Variants in ANKRD30B observed in about 807,000 individuals in gnomAD.
ANKRD30B encodes the protein ankyrin repeat domain-containing protein 30B.
In ANKRD30B, 144 loss-of-function variants were observed where a neutral mutation model predicts 202.2. That is an observed-to-expected ratio of 0.71 (90% CI 0.62 to 0.82). The LOEUF is 0.82. Ranked by LOEUF, ANKRD30B falls within the 40% of genes least tolerant of loss-of-function variation. The probability of loss-of-function intolerance (pLI) is 0.00; values close to 1 mark genes in which losing one functional copy is unlikely to be tolerated. For synonymous variants in ANKRD30B, 508 were observed against 561.3 expected (o/e 0.91, Z 1.34); for missense variants, 1,487 against 1,669.1 (o/e 0.89, Z 1.90).
the ANKRD30B span, among the ~76,000 whole-genome samples, chr18:14,939,241 A>G: frequency 1.3e-5 from 2 of 152,148 alleles, no homozygotes; most frequent in South Asian, 2.1e-4. Flanking sequence ...CAGTAAGGTC[A>G]TCATCCCCAC....
chr18:14,786,148 A>G (rs570839196), intron 14 of ANKRD30B, among the ~76,000 whole-genome samples: 1 of 151,484 alleles, frequency 6.6e-6, no homozygotes, highest in East Asian at 1.9e-4. Context: ...TTAGTTGTGC[A>G]CGTTTGCTTT....
chr18:14,772,428 T>G (rs2143803583), intron 9 of ANKRD30B, among the ~76,000 whole-genome samples, 200 bp downstream of exon 9: 1 of 151,854 alleles, frequency 6.6e-6, no homozygotes, highest in African/African-American at 2.4e-5. Flanking sequence ...GATTGGTAAA[T>G]ACTTTGAGGG....
chr18:14,921,601 C>G, the ANKRD30B span, among the ~76,000 whole-genome samples: 1 of 152,052 alleles, frequency 6.6e-6, no homozygotes, highest in South Asian at 2.1e-4. Flanking sequence ...AAACCAAGCA[C>G]TATGAAAAAA....
chr18:14,868,415 T>C, the ANKRD30B span, among the ~76,000 whole-genome samples: 1 of 152,298 alleles, frequency 6.6e-6, no homozygotes, highest in Non-Finnish European at 1.5e-5. Flanking sequence ...TTTAGGGGCT[T>C]ACGATTTGTG....
At chr18:14,822,817 A>G (rs1362069219) in intron 32 of ANKRD30B, 140 bp downstream of exon 32, 7 of 1,176,878 alleles carry the variant, frequency 5.9e-6, no homozygotes, top group Admixed American at 6.3e-5. Flanking sequence ...CAATGTTAGT[A>G]TTCATGTTTG....
At chr18:14,794,300 G>A (rs1363926130) in intron 16 of ANKRD30B, among the ~76,000 whole-genome samples, 2 of 151,480 alleles carry the variant, frequency 1.3e-5, no homozygotes, top group Admixed American at 1.3e-4. Flanking sequence ...ACCATAAATA[G>A]GATTCCTAAA....
chr18:14,791,451 A>T lies in ANKRD30B; in HGVS notation c.1785A>T (p.Thr595=). The T allele has an allele frequency of 6.2e-7, 1 of 1,611,584 alleles. No individual in the cohort carries two copies. The highest frequency in any genetic ancestry group is 8.5e-7 in the Non-Finnish European group (1 of 1,179,068). Residue 595 remains threonine (T), a synonymous_variant, in exon 16 of 44, where the codon ACA becomes ACT. Coordinates refer to ENST00000690538, the MANE Select transcript of ANKRD30B (RefSeq NM_001367607.2). The part of the protein sequence containing the change: ...SQKDVYLPKA[T]HQKEFDTLSG... ...AGGATGTGTATTTACCCAAAGCTACACATCAAAAAGAATTCGATACCTTAA... is the reference window on the plus strand; with the variant it reads ...AGGATGTGTATTTACCCAAAGCTACTCATCAAAAAGAATTCGATACCTTAA...
chr18:14,810,169 C>T lies in ANKRD30B; in HGVS notation c.2477C>T (p.Thr826Ile), dbSNP rs775765024. ...GCCTTAGAATTAAAGGACAGAGAAA[C>T]ATTAAAAGCAGGTAAACTTTGTAAT... ...NKALELKDRE[T>I]LKAAQMFPSE... The change falls in exon 28 of 44, where the codon ACA (threonine) becomes ATA (isoleucine). Residue 826 changes from threonine to isoleucine, a missense_variant. Thr to Ile is a moderately conservative substitution (Grantham distance 89). Coordinates refer to ENST00000690538, the MANE Select transcript of ANKRD30B (RefSeq NM_001367607.2). 1.5e-5 allele frequency: 21 copies of T among 1,410,784 alleles called. No individual in the cohort carries two copies. Among genetic ancestry groups the T allele is most frequent in the African/African-American group, 2.9e-5 (2 of 69,128 alleles). 87.4% of individuals were successfully genotyped at this position (1,410,784 alleles called of 1,614,324 possible). A position where few individuals can be genotyped will look rare whatever the true frequency, so the allele number is the denominator to read the frequency against.
At chr18:14,798,382 A>T (rs1050641468) in intron 20 of ANKRD30B, among the ~76,000 whole-genome samples, 14 of 152,126 alleles carry the variant, frequency 9.2e-5, no homozygotes, top group African/African-American at 7.2e-5. Context: ...TTTACAATAT[A>T]GTGTGTGCAT....
intron 7 of ANKRD30B, among the ~76,000 whole-genome samples, chr18:14,768,402 A>T (rs1916588825): frequency 1.3e-5 from 2 of 152,138 alleles, no homozygotes; most frequent in South Asian, 4.1e-4. Context: ...CTAGTACGTT[A>T]ATCAAACCCA....
intron 36 of ANKRD30B, among the ~76,000 whole-genome samples, chr18:14,839,212 TAACTTTTTCTTTAA>T (rs1229024329): frequency 1.3e-5 from 2 of 152,208 alleles, no homozygotes; most frequent in East Asian, 3.8e-4. Context: ...TAAATTACTG[TAACTTTTTCTTTAA>T]AACAAAACAG....
intron 39 of ANKRD30B, among the ~76,000 whole-genome samples, chr18:14,845,797 G>A (rs1971613864): frequency 6.6e-6 from 1 of 152,114 alleles, no homozygotes; most frequent in Non-Finnish European, 1.5e-5. Flanking sequence ...GTCTGAAGAG[G>A]TACCACTTCA....
At chr18:14,900,153 A>G in the ANKRD30B span, among the ~76,000 whole-genome samples, 1 of 152,192 alleles carries the variant, frequency 6.6e-6, no homozygotes, top group Non-Finnish European at 1.5e-5. Context: ...TGGTCCACAT[A>G]CAATTGCTTA....
At chr18:14,896,557 T>G in the ANKRD30B span, among the ~76,000 whole-genome samples, 2 of 149,580 alleles carry the variant, frequency 1.3e-5, no homozygotes, top group Non-Finnish European at 3.0e-5. Flanking sequence ...ACCGACATTT[T>G]ACATTATTTA....
chr18:14,790,067 G>C (rs973460004), intron 15 of ANKRD30B, among the ~76,000 whole-genome samples: 3 of 151,984 alleles, frequency 2.0e-5, no homozygotes, highest in Non-Finnish European at 2.9e-5. Flanking sequence ...TTATTTCATT[G>C]AGCAGTGGTT....
In ANKRD30B at chr18:14,791,463, AT is replaced by A; in HGVS notation, c.1799del (p.Phe600SerfsTer4). ...YLPKATHQKE[F>X]DTLSGKLEES... is the part of the protein sequence containing the mutation. Reference sequence around the variant, plus strand: ...TACCCAAAGCTACACATCAAAAAGAATTCGATACCTTAAGTGGAAAATTAGA... The same window carrying A: ...TACCCAAAGCTACACATCAAAAAGAATCGATACCTTAAGTGGAAAATTAGA... On this transcript the variant is annotated frameshift_variant, in exon 16 of 44. Transcript: ENST00000690538. LOFTEE classifies it high-confidence loss of function. The A allele has an allele frequency of 1.6e-5, 25 of 1,611,076 alleles. No individual in the cohort carries two copies. Among genetic ancestry groups the A allele is most frequent in the Non-Finnish European group, 2.1e-5 (25 of 1,178,870 alleles).
intron 16 of ANKRD30B, among the ~76,000 whole-genome samples, chr18:14,792,385 G>A (rs1035227671): frequency 1.3e-5 from 2 of 151,996 alleles, no homozygotes; most frequent in African/African-American, 2.4e-5. Flanking sequence ...GAAGAAAGGG[G>A]CAATGGAATA....
chr18:14,780,515 T>C (rs1388165614), intron 11 of ANKRD30B, among the ~76,000 whole-genome samples: 1 of 152,140 alleles, frequency 6.6e-6, no homozygotes, highest in Non-Finnish European at 1.5e-5. Context: ...TTCTACTAAT[T>C]TGCAGAATGA....
intron 3 of ANKRD30B, among the ~76,000 whole-genome samples, chr18:14,754,110 A>C (rs1206110701): frequency 2.0e-5 from 3 of 152,172 alleles, no homozygotes; most frequent in Non-Finnish European, 4.4e-5. Context: ...TGGACCATTT[A>C]ATAATAAGCA....
Sources: gnomAD v4.1 joint callset for allele counts (sites outside exome capture counted in the v4.1 genomes callset) on GRCh38, gnomAD v4.1.1 for gene constraint, MANE v1.5 for transcripts, NCBI Gene and HGNC (gene_info 2026-07-23, HGNC 2026-07-21) for gene names.